The following CCSER1 variants were observed in gnomAD, a reference collection of about 807,000 sequenced individuals.
CCSER1 encodes serine-rich coiled-coil domain-containing protein 1.
CCSER1 carries 41 observed loss-of-function variants against 82.0 expected under a neutral mutation model. The observed-to-expected ratio is 0.50, with a 90% CI of 0.39 to 0.65. CCSER1 has a LOEUF of 0.65. CCSER1 is among the 30% of genes least tolerant of loss of function. The pLI is 0.00. For synonymous variants in CCSER1, 414 were observed against 383.9 expected, an observed-to-expected ratio of 1.08 and a Z score of -0.92; for missense variants, 1,119 against 1,064.2, an observed-to-expected ratio of 1.05 and a Z score of -0.72.
intron 10 of CCSER1, among the ~76,000 whole-genome samples, chr4:91,126,049 GA>G (rs930776720): frequency 6.6e-6 from 1 of 151,576 alleles, no homozygotes; most frequent in East Asian, 1.9e-4. Context: ...ACTCACAGGG[GA>G]AAAAAGTTAT....
intron 10 of CCSER1, among the ~76,000 whole-genome samples, chr4:91,387,365 TA>T (rs1751364005): frequency 6.6e-6 from 1 of 152,006 alleles, no homozygotes; most frequent in Non-Finnish European, 1.5e-5. Context: ...ATAATGTTTT[TA>T]AAAATTAGAT....
At chr4:90,818,280 T>A in intron 8 of CCSER1, among the ~76,000 whole-genome samples, 1 of 133,952 alleles carries the variant, frequency 7.5e-6, no homozygotes, top group Admixed American at 7.2e-5. Context: ...CTTTTTTTTC[T>A]TTTTTTTTTT....
At position 90,720,255 on chromosome 4, in the gene CCSER1, G is replaced by A. The variant is rs1037452304; in HGVS notation, c.1933-3659G>A. Among the ~76,000 whole-genome samples, 4 of 150,986 alleles carry A rather than the reference G, an allele frequency of 2.6e-5. No individual in the cohort carries two copies. In the Admixed American group the frequency reaches 2.7e-4, roughly 10 times the overall value. On this transcript the variant is annotated intron_variant, in intron 6 of 10. Coordinates refer to ENST00000509176, the MANE Select transcript of CCSER1 (RefSeq NM_001145065.2). Reference sequence around the variant, plus strand: ...TTGTCCCATTCTGGACTTGGAATTAGCCATTTCTCCTAGGAGCCCTGGTTT... The same window carrying A: ...TTGTCCCATTCTGGACTTGGAATTAACCATTTCTCCTAGGAGCCCTGGTTT...
chr4:91,434,259 G>A (rs539124530), intron 10 of CCSER1, among the ~76,000 whole-genome samples: 6 of 152,036 alleles, frequency 3.9e-5, no homozygotes, highest in African/African-American at 1.4e-4. Flanking sequence ...TGTTAAAATA[G>A]GGGTACTTAA....
intron 9 of CCSER1, among the ~76,000 whole-genome samples, chr4:90,983,339 AT>A (rs1305538198): frequency 6.6e-6 from 1 of 151,666 alleles, no homozygotes; most frequent in Non-Finnish European, 1.5e-5. Flanking sequence ...GTCTAATTTA[AT>A]TTTTTTCTCT....
intron 10 of CCSER1, among the ~76,000 whole-genome samples, chr4:91,287,928 T>C (rs146898825): frequency 9.9e-4 from 150 of 151,780 alleles, no homozygotes; most frequent in African/African-American, 3.3e-3. Flanking sequence ...TTACATGTAA[T>C]TGAGCTGACC....
At chr4:91,579,264 A>C (rs1013282077) in intron 10 of CCSER1, among the ~76,000 whole-genome samples, 8 of 151,492 alleles carry the variant, frequency 5.3e-5, no homozygotes, top group Admixed American at 2.0e-4. Context: ...CAGGGGGTAC[A>C]TGTGCATGTT....
At chr4:91,170,354 A>T (rs1164027589) in intron 10 of CCSER1, among the ~76,000 whole-genome samples, 2 of 152,172 alleles carry the variant, frequency 1.3e-5, no homozygotes, top group African/African-American at 2.4e-5. Context: ...CAAATCTAAT[A>T]AAAAGGAGCA....
At chr4:91,155,461 A>G (rs1730718218) in intron 10 of CCSER1, among the ~76,000 whole-genome samples, 2 of 151,938 alleles carry the variant, frequency 1.3e-5, no homozygotes, top group Admixed American at 6.6e-5. Flanking sequence ...TATTAGCAGC[A>G]TGAGAACGGA....
chr4:91,189,681 C>A (rs930906616), intron 10 of CCSER1, among the ~76,000 whole-genome samples: 1 of 151,756 alleles, frequency 6.6e-6, no homozygotes, highest in Non-Finnish European at 1.5e-5. Context: ...TTTCTTTTTT[C>A]AACTTATAAT....
At chr4:90,592,571 A>G (rs530445081) in intron 5 of CCSER1, among the ~76,000 whole-genome samples, 42 of 152,294 alleles carry the variant, frequency 2.8e-4, no homozygotes, top group African/African-American at 9.6e-4. Context: ...AAACTTGTAT[A>G]TTATTTTAAT....
At chr4:91,509,217 A>G (rs2110111379) in intron 10 of CCSER1, among the ~76,000 whole-genome samples, 2 of 151,630 alleles carry the variant, frequency 1.3e-5, no homozygotes, top group African/African-American at 4.8e-5. Flanking sequence ...CCTCTTTAGG[A>G]TAGACATTTA....
chr4:91,395,782 C>CTGAT (rs1312200782), intron 10 of CCSER1, among the ~76,000 whole-genome samples: 1 of 151,942 alleles, frequency 6.6e-6, no homozygotes, highest in Non-Finnish European at 1.5e-5. Context: ...CCCTGCTTGC[C>CTGAT]TGATTACTCT....
intron 10 of CCSER1, among the ~76,000 whole-genome samples, chr4:91,533,050 A>G (rs960632220): frequency 1.3e-5 from 2 of 152,160 alleles, no homozygotes; most frequent in Non-Finnish European, 1.5e-5. Context: ...TACATGCTGT[A>G]CATTAGGCAC....
intron 6 of CCSER1, among the ~76,000 whole-genome samples, chr4:90,641,649 G>A (rs1726540957): frequency 6.6e-6 from 1 of 152,064 alleles, no homozygotes. Context: ...TGCTGTCAAT[G>A]TATCTTCTGA....
intron 6 of CCSER1, among the ~76,000 whole-genome samples, chr4:90,714,599 G>C (rs1741283944): frequency 6.6e-6 from 1 of 151,946 alleles, no homozygotes. Context: ...AAAATTGTGG[G>C]TTAAAATAGG....
At chr4:90,456,193 C>A (rs532829444) in intron 4 of CCSER1, among the ~76,000 whole-genome samples, 26 of 152,254 alleles carry the variant, frequency 1.7e-4, no homozygotes, top group African/African-American at 5.8e-4. Context: ...GGGGAAAAAA[C>A]CTTTTGCCCT....
At chr4:91,374,319 AAT>A (rs1750248996) in intron 10 of CCSER1, among the ~76,000 whole-genome samples, 1 of 152,190 alleles carries the variant, frequency 6.6e-6, no homozygotes, top group Non-Finnish European at 1.5e-5. Context: ...TTAAGGACGG[AAT>A]GACTCCTGTT....
intron 7 of CCSER1, among the ~76,000 whole-genome samples, chr4:90,752,040 C>T (rs549960048): frequency 6.3e-4 from 96 of 152,170 alleles, no homozygotes; most frequent in African/African-American, 2.2e-3. Flanking sequence ...TGTGGTTTAT[C>T]TAAAAGGTAG....
Sources: gnomAD v4.1 joint callset for allele counts (sites outside exome capture counted in the v4.1 genomes callset) on GRCh38, gnomAD v4.1.1 for gene constraint, MANE v1.5 for transcripts, NCBI Gene and HGNC (gene_info 2026-07-23, HGNC 2026-07-21) for gene names.